TMTC2: variants seen among roughly 807,000 people sequenced by gnomAD.
The protein encoded by TMTC2 is protein O-mannosyl-transferase TMTC2.
Under a neutral mutation model 82.4 loss-of-function variants are expected in TMTC2, and 43 were observed. The ratio of observed to expected loss-of-function variants is 0.52; its 90% CI spans 0.41 to 0.67. The LOEUF is 0.67. Ranked by LOEUF, TMTC2 falls within the 30% of genes least tolerant of loss-of-function variation. The pLI is 0.00. For synonymous variants in TMTC2, 408 were observed against 381.9 expected (o/e 1.07, Z -0.80); for missense variants, 919 against 1,012.4 (o/e 0.91, Z 1.25).
intron 1 of TMTC2, among the ~76,000 whole-genome samples, chr12:82,770,782 A>G: frequency 6.6e-6 from 1 of 152,114 alleles, no homozygotes; most frequent in African/African-American, 2.4e-5. Flanking sequence ...TTAAAGTATA[A>G]CCTTTATGAC....
At chr12:82,897,689 C>A (rs1161840666) in intron 3 of TMTC2, among the ~76,000 whole-genome samples, 3 of 151,996 alleles carry the variant, frequency 2.0e-5, no homozygotes, top group Non-Finnish European at 4.4e-5. Flanking sequence ...CCACACCTGG[C>A]TAATTTTTGT....
rs370245051 is a variant in TMTC2 at position 83,051,022 on chromosome 12, A to T, written c.2267+4A>T. ...TCAATGCTGCCCACATGCTCAGGTT[A>T]GTTTTTTTGCTGCTGTGCCTCAAAG... On this transcript the variant is annotated splice_donor_region_variant and intron_variant, in intron 10 of 11. Coordinates refer to ENST00000321196, the MANE Select transcript of TMTC2 (RefSeq NM_152588.3). 1 of 1,600,760 alleles carries T rather than the reference A, an allele frequency of 6.2e-7. No homozygotes were observed. Among genetic ancestry groups the T allele is most frequent in the African/African-American group, 1.3e-5 (1 of 74,288 alleles).
rs949350869 is a variant in TMTC2 at position 83,038,055 on chromosome 12, C to T, written c.2152+7176C>T. ...CGCAAGGACAAAAAACCAAACACCA[C>T]ATGTTCTCACTCATAGGTAGGAATT... On this transcript the variant is annotated intron_variant, in intron 9 of 11. Coordinates refer to ENST00000321196, the MANE Select transcript of TMTC2 (RefSeq NM_152588.3). 2.8e-5 allele frequency among the ~76,000 whole-genome samples: 4 copies of T among 145,318 alleles called. No homozygotes were observed. The Admixed American group carries it at 2.9e-4, about 11-fold the overall frequency.
At chr12:82,903,617 G>C (rs1874144218) in intron 3 of TMTC2, among the ~76,000 whole-genome samples, 1 of 152,124 alleles carries the variant, frequency 6.6e-6, no homozygotes, top group South Asian at 2.1e-4. Flanking sequence ...GTTTCACCGT[G>C]TTGGACAGGA....
At chr12:83,025,200 CAAA>C (rs35813949) in intron 8 of TMTC2, among the ~76,000 whole-genome samples, 89,286 of 150,516 alleles carry the variant, frequency 0.59, 26,908 homozygotes, top group South Asian at 0.73. Flanking sequence ...AACTCTGTCT[CAAA>C]AAAAAAAAGA....
At chr12:83,060,236 C>T (rs150918077) in intron 10 of TMTC2, among the ~76,000 whole-genome samples, 116 of 151,782 alleles carry the variant, frequency 7.6e-4, no homozygotes, top group African/African-American at 2.6e-3. Flanking sequence ...TTAAAAATAG[C>T]AGTGTTTTTA....
chr12:82,845,385 T>G (rs1262415479), intron 1 of TMTC2, among the ~76,000 whole-genome samples: 1 of 151,210 alleles, frequency 6.6e-6, no homozygotes, highest in African/African-American at 2.4e-5. Flanking sequence ...CTTTTTAATG[T>G]AGCTATGAGT....
At position 82,687,065 on chromosome 12, in the gene TMTC2, C is replaced by T. The variant is rs1363560900; in HGVS notation, c.-522C>T. ...CGGCCGGAGTCCGCCCGAGCGACAC[C>T]GGAGCAGTGCGCCCGGGAGGCGGCG... On this transcript the variant is annotated 5_prime_UTR_variant, in exon 1 of 12. Coordinates refer to ENST00000321196, the MANE Select transcript of TMTC2 (RefSeq NM_152588.3). 1.8e-5 allele frequency: 3 copies of T among 165,670 alleles called. No homozygotes were observed. Among genetic ancestry groups the T allele is most frequent in the Admixed American group, 1.7e-4 (3 of 17,226 alleles). 10.3% of individuals were successfully genotyped at this position (165,670 alleles called of 1,614,324 possible).
chr12:82,861,899 A>G (rs1311558919), intron 2 of TMTC2, among the ~76,000 whole-genome samples: 14 of 152,198 alleles, frequency 9.2e-5, no homozygotes, highest in Non-Finnish European at 4.4e-5. Context: ...GGCTTATAGT[A>G]GGAACTTAGT....
chr12:82,874,779 T>C (rs550089426), intron 2 of TMTC2, among the ~76,000 whole-genome samples: 1 of 152,196 alleles, frequency 6.6e-6, no homozygotes, highest in African/African-American at 2.4e-5. Flanking sequence ...AATAGGGAAT[T>C]ATGCCATTTT....
Position 82,856,996 on chromosome 12 carries a change from G to A in TMTC2, c.84-14G>A, listed in dbSNP as rs1482749979. On this transcript the variant is annotated splice_polypyrimidine_tract_variant and intron_variant, in intron 1 of 11. Coordinates refer to ENST00000321196, the MANE Select transcript of TMTC2 (RefSeq NM_152588.3). ...TGTTTTACATTTGATTTTTTTTAAC[G>A]TTTTGTTTTTTAGCCGTGCTATCAA... 3.8e-6 allele frequency: 6 copies of A among 1,580,810 alleles called. No individual in the cohort carries two copies. The highest frequency in any genetic ancestry group is 5.1e-6 in the Non-Finnish European group (6 of 1,165,478).
At chr12:82,706,297 A>G (rs1873349729) in intron 1 of TMTC2, among the ~76,000 whole-genome samples, 1 of 149,130 alleles carries the variant, frequency 6.7e-6, no homozygotes, top group African/African-American at 2.5e-5. Flanking sequence ...AGCCTGGACA[A>G]CAGACAACAA....
intron 1 of TMTC2, among the ~76,000 whole-genome samples, chr12:82,744,459 G>A (rs1025296317): frequency 1.3e-5 from 2 of 151,756 alleles, no homozygotes; most frequent in African/African-American, 4.8e-5. Context: ...GCACACAGCT[G>A]TTGTCCTAGC....
chr12:82,834,848 A>T (rs1869940354), intron 1 of TMTC2, among the ~76,000 whole-genome samples: 1 of 152,116 alleles, frequency 6.6e-6, no homozygotes, highest in East Asian at 1.9e-4. Flanking sequence ...TATGTCACAT[A>T]AGCTGTAATT....
chr12:83,065,560 A>C (rs988285245), intron 11 of TMTC2, among the ~76,000 whole-genome samples: 1 of 151,956 alleles, frequency 6.6e-6, no homozygotes, highest in African/African-American at 2.4e-5. Flanking sequence ...ATTAAACCTT[A>C]TAATACATTA....
intron 1 of TMTC2, among the ~76,000 whole-genome samples, chr12:82,812,252 G>A (rs905486171): frequency 2.0e-5 from 3 of 151,952 alleles, no homozygotes; most frequent in Non-Finnish European, 4.4e-5. Flanking sequence ...GACTGTCACT[G>A]CATGTAATTT....
intron 8 of TMTC2, among the ~76,000 whole-genome samples, chr12:82,987,515 T>C (rs1486412971): frequency 6.6e-6 from 1 of 151,290 alleles, no homozygotes; most frequent in East Asian, 1.9e-4. Context: ...ATCTACTTAA[T>C]AAAATATAAC....
intron 1 of TMTC2, among the ~76,000 whole-genome samples, chr12:82,769,054 G>T (rs1877140749): frequency 6.6e-6 from 1 of 151,260 alleles, no homozygotes; most frequent in Admixed American, 6.6e-5. Context: ...AAGAGCTTCA[G>T]GGGCTAAGCC....
intron 9 of TMTC2, 51 bp from the exon 10 acceptor site, chr12:83,050,853 T>G: frequency 7.7e-7 from 1 of 1,301,624 alleles, no homozygotes. Flanking sequence ...ACAGCTTTAT[T>G]GTTTCATGGG....
Sources: gnomAD v4.1 joint callset for allele counts (sites outside exome capture counted in the v4.1 genomes callset) on GRCh38, gnomAD v4.1.1 for gene constraint, MANE v1.5 for transcripts, NCBI Gene and HGNC (gene_info 2026-07-23, HGNC 2026-07-21) for gene names.